The following PRKAR1B variants were observed in gnomAD, a reference collection of about 807,000 sequenced individuals.
PRKAR1B encodes the protein cAMP-dependent protein kinase type I-beta regulatory subunit.
Under a neutral mutation model 46.5 loss-of-function variants are expected in PRKAR1B, and 22 were observed. The ratio of observed to expected loss-of-function variants is 0.47; its 90% confidence interval spans 0.34 to 0.68. PRKAR1B has a LOEUF of 0.68. PRKAR1B is among the 30% of genes least tolerant of loss of function. The pLI is 0.01. For missense variants in PRKAR1B, 445 were observed against 535.6 expected, an observed-to-expected ratio of 0.83 and a Z score of 1.67; for synonymous variants, 259 against 217.7, an observed-to-expected ratio of 1.19 and a Z score of -1.67.
chr7:704,640 A>G (rs756384392), intron 2 of PRKAR1B, among the ~76,000 whole-genome samples: 1 of 152,028 alleles, frequency 6.6e-6, no homozygotes, highest in Non-Finnish European at 1.5e-5. Flanking sequence ...GCCAGGCGCG[A>G]TGCCTGTAAT....
chr7:639,118 G>C (rs1336184770), intron 4 of PRKAR1B, among the ~76,000 whole-genome samples: 3 of 152,112 alleles, frequency 2.0e-5, no homozygotes, highest in Non-Finnish European at 2.9e-5. Context: ...AATTCATACA[G>C]AAATGTAAGG....
chr7:724,183 C>T (rs2128536365), intron 1 of PRKAR1B, among the ~76,000 whole-genome samples: 1 of 152,196 alleles, frequency 6.6e-6, no homozygotes, highest in East Asian at 1.9e-4. Flanking sequence ...CATGCTATTT[C>T]CTCTCTCTCC....
Position 718,850 on chromosome 7 carries a change from T to C in PRKAR1B, c.-22-7323A>G, listed in dbSNP as rs1223483813. 3.3e-5 allele frequency among the ~76,000 whole-genome samples: 5 copies of C among 150,112 alleles called. No homozygotes were observed. In the East Asian group the frequency reaches 7.8e-4, roughly 24 times the overall value. On this transcript the variant is annotated intron_variant, in intron 1 of 10. Transcript: ENST00000537384. ...CATTTTGGTAACATACAGAACTTCA[T>C]CTCTTTTATAGGCTTTTTTTTTTTT... is the stretch of plus-strand genomic sequence containing the variant.
intron 2 of PRKAR1B, among the ~76,000 whole-genome samples, chr7:682,105 G>A (rs567887235): frequency 1.3e-5 from 2 of 152,256 alleles, no homozygotes; most frequent in East Asian, 3.9e-4. Context: ...TCAGGAATCA[G>A]CAGGGCCAGG....
At chr7:584,203 G>C (rs978662449) in intron 8 of PRKAR1B, among the ~76,000 whole-genome samples, 4 of 152,188 alleles carry the variant, frequency 2.6e-5, no homozygotes, top group Non-Finnish European at 5.9e-5. Flanking sequence ...GGGAAGGCTG[G>C]GGGCGCGGCT....
At chr7:675,402 A>G (rs1227626496) in intron 4 of PRKAR1B, among the ~76,000 whole-genome samples, 2 of 152,190 alleles carry the variant, frequency 1.3e-5, no homozygotes, top group Admixed American at 6.5e-5. Context: ...GCCCTCCGGG[A>G]GGGGGAGAAA....
chr7:555,156 C>T (rs1385464180), intron 9 of PRKAR1B, among the ~76,000 whole-genome samples: 3 of 152,228 alleles, frequency 2.0e-5, no homozygotes, highest in South Asian at 2.1e-4. Context: ...GAGGGTCTCA[C>T]GCTTGCCCTA....
At chr7:606,828 G>A (rs1050324189) in intron 5 of PRKAR1B, among the ~76,000 whole-genome samples, 14 of 151,454 alleles carry the variant, frequency 9.2e-5, no homozygotes, top group African/African-American at 3.2e-4. Context: ...TTATACATAT[G>A]TATATATTTT....
At position 631,370 on chromosome 7, in the gene PRKAR1B, C is replaced by A. The variant is rs545191176; in HGVS notation, c.441-23918G>T. Reference sequence around the variant, plus strand: ...TGCCATAGACCTTACAGATACGGCACCCTCAGGCCCAGACAGGGGTGGTCG... The same window carrying A: ...TGCCATAGACCTTACAGATACGGCAACCTCAGGCCCAGACAGGGGTGGTCG... On this transcript the variant is annotated intron_variant, in intron 4 of 10. Coordinates refer to ENST00000537384, the MANE Select transcript of PRKAR1B (RefSeq NM_001164760.2). Among the ~76,000 whole-genome samples the A allele has an allele frequency of 2.0e-5, 3 of 152,334 alleles. No homozygotes were observed. The South Asian group carries it at 6.2e-4, about 32-fold the overall frequency.
At chr7:653,343 C>G (rs908359327) in intron 4 of PRKAR1B, among the ~76,000 whole-genome samples, 4 of 152,170 alleles carry the variant, frequency 2.6e-5, no homozygotes, top group Non-Finnish European at 5.9e-5. Flanking sequence ...GCAGCAGCAG[C>G]CTCTTCCCAA....
At chr7:597,636 G>A (rs896550145) in intron 6 of PRKAR1B, among the ~76,000 whole-genome samples, 13 of 152,250 alleles carry the variant, frequency 8.5e-5, no homozygotes, top group African/African-American at 2.2e-4. Flanking sequence ...TTTTAGGGGC[G>A]AGGGGACCTC....
intron 2 of PRKAR1B, among the ~76,000 whole-genome samples, chr7:706,767 G>A (rs1295192079): frequency 1.3e-5 from 2 of 152,108 alleles, no homozygotes; most frequent in African/African-American, 4.8e-5. Context: ...CACCACAGAA[G>A]AACTCACTCA....
chr7:707,167 G>C (rs1780374411), intron 2 of PRKAR1B, among the ~76,000 whole-genome samples: 1 of 152,204 alleles, frequency 6.6e-6, no homozygotes, highest in Non-Finnish European at 1.5e-5. Context: ...CGCAAGCTAA[G>C]AGGAATTCTT....
intron 1 of PRKAR1B, among the ~76,000 whole-genome samples, chr7:717,188 C>T (rs1303143236): frequency 6.6e-6 from 1 of 151,860 alleles, no homozygotes; most frequent in Non-Finnish European, 1.5e-5. Flanking sequence ...ACTTGGGAGG[C>T]TGAGGCAGGA....
At chr7:712,114 A>AT (rs1268212480) in intron 1 of PRKAR1B, among the ~76,000 whole-genome samples, 1 of 151,134 alleles carries the variant, frequency 6.6e-6, no homozygotes, top group Non-Finnish European at 1.5e-5. Context: ...CGAAGTCACC[A>AT]TGGCCAGGCC....
At chr7:702,435 A>G (rs768403647) in intron 2 of PRKAR1B, among the ~76,000 whole-genome samples, 6 of 152,234 alleles carry the variant, frequency 3.9e-5, no homozygotes, top group Non-Finnish European at 8.8e-5. Flanking sequence ...CATCTTAAAA[A>G]ATAATGGTTG....
At chr7:579,403 C>A in intron 8 of PRKAR1B, 26 bp from the exon 9 acceptor site, 1 of 1,610,802 alleles carries the variant, frequency 6.2e-7, no homozygotes, top group South Asian at 1.1e-5. Flanking sequence ...GAGGACAGGT[C>A]ATCCCGGGGC....
At chr7:643,087 C>T (rs1028077586) in intron 4 of PRKAR1B, among the ~76,000 whole-genome samples, 10 of 151,542 alleles carry the variant, frequency 6.6e-5, no homozygotes, top group Non-Finnish European at 1.2e-4. Flanking sequence ...GCACATTGGC[C>T]GTTGGTATGA....
rs34699855 is a variant in PRKAR1B at position 557,769 on chromosome 7, C to T, written c.892-6299G>A. The stretch of plus-strand genomic sequence containing the variant: ...TCCAACTCCACTTCCCAGACTGCCA[C>T]GAGGCAGCACAGACGCTCTCAGGAG... On this transcript the variant is annotated intron_variant, in intron 9 of 10. Coordinates refer to ENST00000537384, the MANE Select transcript of PRKAR1B (RefSeq NM_001164760.2). Among the ~76,000 whole-genome samples, 1,003 of 152,276 alleles carry T rather than the reference C, an allele frequency of 6.6e-3. 4 individuals are homozygous for T. The highest frequency in any genetic ancestry group is 0.02 in the Middle Eastern group (6 of 294).
Sources: allele counts gnomAD v4.1 joint callset (sites outside exome capture counted in the v4.1 genomes callset), GRCh38; gene constraint gnomAD v4.1.1; transcripts MANE v1.5; gene names NCBI Gene and HGNC (gene_info 2026-07-23, HGNC 2026-07-21).